FBXL17: variants seen among roughly 807,000 people sequenced by gnomAD.
The protein encoded by FBXL17 is F-box and leucine rich repeat protein 17.
Under a neutral mutation model 66.2 loss-of-function variants are expected in FBXL17, and 22 were observed. The observed-to-expected ratio is 0.33, with a 90% confidence interval of 0.24 to 0.47. The LOEUF is 0.47. FBXL17 is among the 20% of genes least tolerant of loss of function. FBXL17 has a pLI of 1.00. For missense variants in FBXL17, 878 were observed against 948.2 expected (o/e 0.93, Z 0.97); for synonymous variants, 474 against 400.5 (o/e 1.18, Z -2.19).
intron 4 of FBXL17, among the ~76,000 whole-genome samples, chr5:108,283,297 T>G (rs1293659923): frequency 6.6e-6 from 1 of 151,790 alleles, no homozygotes; most frequent in Non-Finnish European, 1.5e-5. Context: ...TCACGTAAGC[T>G]GATAACAAAT....
At position 108,381,791 on chromosome 5, in the gene FBXL17, G is replaced by A; in HGVS notation, c.-100C>T. On this transcript the variant is annotated 5_prime_UTR_variant, in exon 1 of 9. Coordinates refer to ENST00000542267, the MANE Select transcript of FBXL17 (RefSeq NM_001163315.3). ...AGGCCGCTCGCTGGCTCGGCCCCCGGAGGGGTCGCCCTTCCTGCGCACACA... is the reference window on the plus strand; with the variant it reads ...AGGCCGCTCGCTGGCTCGGCCCCCGAAGGGGTCGCCCTTCCTGCGCACACA... 5.9e-6 allele frequency: 8 copies of A among 1,356,720 alleles called. No homozygotes were observed. Among genetic ancestry groups the A allele is most frequent in the Non-Finnish European group, 7.6e-6 (8 of 1,059,380 alleles). The allele number at this position is 1,356,720 out of a possible 1,614,324, so 84.0% of individuals were successfully genotyped here. A position where few individuals can be genotyped will look rare whatever the true frequency, so the allele number is the denominator to read the frequency against.
intron 4 of FBXL17, among the ~76,000 whole-genome samples, chr5:108,293,999 C>T (rs1758231140): frequency 7.1e-6 from 1 of 140,828 alleles, no homozygotes; most frequent in South Asian, 2.3e-4. Flanking sequence ...CGAGATCATA[C>T]CACTGCACTC....
chr5:108,090,350 C>T (rs1009780679), intron 6 of FBXL17, among the ~76,000 whole-genome samples: 2 of 152,136 alleles, frequency 1.3e-5, no homozygotes, highest in Non-Finnish European at 2.9e-5. Flanking sequence ...ATTGTGTGGA[C>T]CTTCCTTAGC....
chr5:107,873,726 C>A (rs1409257305), intron 8 of FBXL17, among the ~76,000 whole-genome samples: 1 of 152,014 alleles, frequency 6.6e-6, no homozygotes, highest in Admixed American at 6.5e-5. Flanking sequence ...TTTTTAAATT[C>A]AAAAAATAAT....
intron 3 of FBXL17, among the ~76,000 whole-genome samples, chr5:108,357,850 T>C (rs1204346574): frequency 6.7e-6 from 1 of 149,402 alleles, no homozygotes; most frequent in Non-Finnish European, 1.5e-5. Flanking sequence ...TCAGAAGAAA[T>C]TTGAACATAT....
intron 6 of FBXL17, among the ~76,000 whole-genome samples, chr5:108,185,479 T>C (rs1753190383): frequency 6.6e-6 from 1 of 152,218 alleles, no homozygotes; most frequent in African/African-American, 2.4e-5. Context: ...TCTCCAGCCA[T>C]ACTTCCTGTA....
chr5:108,154,614 T>TACACACAC (rs1268642771), intron 6 of FBXL17, among the ~76,000 whole-genome samples: 142 of 98,234 alleles, frequency 1.4e-3, no homozygotes, highest in African/African-American at 5.0e-3. Context: ...AAAATATATA[T>TACACACAC]ATACACACAC....
At chr5:108,202,291 T>C (rs992819133) in intron 5 of FBXL17, among the ~76,000 whole-genome samples, 1 of 152,144 alleles carries the variant, frequency 6.6e-6, no homozygotes, top group Non-Finnish European at 1.5e-5. Context: ...ACCATTGAAG[T>C]TGCTGAAATG....
rs1395940199 is a variant in FBXL17 at position 108,381,574 on chromosome 5, T to C, written c.118A>G (p.Lys40Glu). The change falls in exon 1 of 9, where the codon AAG becomes GAG. Residue 40 changes from lysine to glutamate, a missense_variant. Lys to Glu is a moderately conservative substitution (Grantham distance 56). Around this residue, in one of 4 missense-constraint regions of FBXL17, gnomAD observed 605 missense variants for 509.5 expected, o/e 1.19. Transcript: ENST00000542267. ...GGCGCCGCCGGCTGAGGGGGCACCT[T>C]GGCTGGGGTCCGGCGGGGCAGCCTG... ...LLRLPRRTPAKVPPQPAAPRS... is the reference protein window; with the variant it reads ...LLRLPRRTPAEVPPQPAAPRS... 2 of 1,445,692 alleles carry C rather than the reference T, an allele frequency of 1.4e-6. No individual in the cohort carries two copies. Among genetic ancestry groups the C allele is most frequent in the Admixed American group, 5.5e-5 (2 of 36,090 alleles). 89.6% of individuals were successfully genotyped at this position (1,445,692 alleles called of 1,614,324 possible).
intron 4 of FBXL17, among the ~76,000 whole-genome samples, chr5:108,262,198 T>A (rs1418754630): frequency 6.6e-6 from 1 of 151,720 alleles, no homozygotes; most frequent in Non-Finnish European, 1.5e-5. Context: ...TGCCTCGGCC[T>A]CCCAAATAGC....
intron 7 of FBXL17, among the ~76,000 whole-genome samples, chr5:107,954,209 T>G (rs1212359200): frequency 6.6e-6 from 1 of 152,066 alleles, no homozygotes; most frequent in African/African-American, 2.4e-5. Context: ...TAATTCCAAG[T>G]GAGAAGAAAG....
chr5:108,274,275 G>A (rs930138789), intron 4 of FBXL17, among the ~76,000 whole-genome samples: 1 of 152,088 alleles, frequency 6.6e-6, no homozygotes, highest in Non-Finnish European at 1.5e-5. Flanking sequence ...CATAAGAGAC[G>A]ACCACGCCCG....
At chr5:108,250,388 C>A (rs1756296696) in intron 4 of FBXL17, among the ~76,000 whole-genome samples, 1 of 152,186 alleles carries the variant, frequency 6.6e-6, no homozygotes, top group African/African-American at 2.4e-5. Context: ...AATGTTCTGA[C>A]CTTTACATCA....
At position 107,936,573 on chromosome 5, in the gene FBXL17, T is replaced by C. The variant is rs577388157; in HGVS notation, c.1823-55394A>G. On this transcript the variant is annotated intron_variant, in intron 7 of 8. Transcript: ENST00000542267. ...ACAACTATTCTTGAATTTGAAACTA[T>C]TGATGATGCTACATTAGAATGACTG... 7.1e-4 allele frequency among the ~76,000 whole-genome samples: 19 copies of C among 26,836 alleles called. No individual in the cohort carries two copies. In the South Asian group the frequency reaches 0.015, roughly 21 times the overall value. The allele number at this position is 26,836 out of a possible 152,430, so 17.6% of individuals were successfully genotyped here.
At chr5:107,872,527 G>A (rs1187828327) in intron 8 of FBXL17, among the ~76,000 whole-genome samples, 1 of 152,216 alleles carries the variant, frequency 6.6e-6, no homozygotes, top group Non-Finnish European at 1.5e-5. Flanking sequence ...TCTGGTTGAA[G>A]AGAATGCAGA....
At chr5:107,880,994 T>C (rs1561515876) in intron 8 of FBXL17, 43 bp downstream of exon 8, 4 of 1,613,946 alleles carry the variant, frequency 2.5e-6, no homozygotes, top group Non-Finnish European at 3.4e-6. Flanking sequence ...CTATTAACTA[T>C]ACTGATATGT....
At chr5:108,190,392 T>C (rs750283718) in intron 5 of FBXL17, among the ~76,000 whole-genome samples, 1 of 152,164 alleles carries the variant, frequency 6.6e-6, no homozygotes, top group Non-Finnish European at 1.5e-5. Context: ...ACAGAGAGTC[T>C]GAGACAGAGA....
intron 4 of FBXL17, among the ~76,000 whole-genome samples, chr5:108,327,360 C>G (rs567410529): frequency 6.6e-6 from 1 of 152,238 alleles, no homozygotes; most frequent in African/African-American, 2.4e-5. Context: ...CAGTTATAAG[C>G]CAGTAACCTT....
At chr5:108,293,087 CA>C (rs59553057) in intron 4 of FBXL17, among the ~76,000 whole-genome samples, 82,366 of 116,124 alleles carry the variant, frequency 0.71, 26,260 homozygotes, top group East Asian at 0.87. Flanking sequence ...GACTCTGTCT[CA>C]AAAAAAAAAC....
Sources: allele counts gnomAD v4.1 joint callset (sites outside exome capture counted in the v4.1 genomes callset), GRCh38; gene constraint gnomAD v4.1.1; regional missense constraint gnomAD v4.1.1; transcripts MANE v1.5; gene names NCBI Gene and HGNC (gene_info 2026-07-23, HGNC 2026-07-21).